Variants in CPED1 observed in about 807,000 individuals in gnomAD.
CPED1 encodes the protein cadherin like and PC-esterase domain containing 1, also known as cadherin-like and PC-esterase domain-containing protein 1.
Under a neutral mutation model 128.2 loss-of-function variants are expected in CPED1, and 114 were observed. That is an observed-to-expected ratio of 0.89 (90% confidence interval 0.76 to 1.04). The LOEUF (loss-of-function observed/expected upper bound fraction) is 1.04. Among genes scored for constraint, CPED1 ranks in the 50% least tolerant of loss-of-function variants. The probability of loss-of-function intolerance (pLI) is 0.00; values close to 1 mark genes in which losing one functional copy is unlikely to be tolerated. For synonymous variants in CPED1, 462 were observed against 426.7 expected (o/e 1.08, Z -1.02); for missense variants, 1,211 against 1,207.1 (o/e 1.00, Z -0.05).
At chr7:121,021,080 A>G (rs1792426684) in intron 3 of CPED1, among the ~76,000 whole-genome samples, 1 of 151,942 alleles carries the variant, frequency 6.6e-6, no homozygotes, top group Admixed American at 6.6e-5. Flanking sequence ...TATTGAAATT[A>G]AACTTGATAC....
At chr7:121,282,751 A>G (rs189948575) in intron 22 of CPED1, among the ~76,000 whole-genome samples, 2 of 152,332 alleles carry the variant, frequency 1.3e-5, no homozygotes. Flanking sequence ...TAACATGGAA[A>G]CAACATGGTG....
intron 3 of CPED1, among the ~76,000 whole-genome samples, chr7:121,034,247 C>CTTTTTTTT (rs3067998): frequency 4.4e-5 from 5 of 113,984 alleles, no homozygotes; most frequent in Admixed American, 1.1e-4. Context: ...GTTTTTTTTT[C>CTTTTTTTT]TTTTTTTTTT....
At chr7:121,202,092 A>G (rs1002924620) in intron 16 of CPED1, among the ~76,000 whole-genome samples, 2 of 152,086 alleles carry the variant, frequency 1.3e-5, no homozygotes, top group East Asian at 1.9e-4. Context: ...AGAAAAGGCA[A>G]TTTTCTTAAT....
At chr7:121,032,806 A>G (rs1459679011) in intron 3 of CPED1, among the ~76,000 whole-genome samples, 1 of 152,188 alleles carries the variant, frequency 6.6e-6, no homozygotes, top group Non-Finnish European at 1.5e-5. Context: ...ATTGGCCTAA[A>G]TATTCTTCAT....
At chr7:121,235,728 A>G (rs1047979159) in intron 16 of CPED1, among the ~76,000 whole-genome samples, 4 of 152,148 alleles carry the variant, frequency 2.6e-5, no homozygotes, top group Admixed American at 1.3e-4. Flanking sequence ...AGTAGAAAAG[A>G]CCCAGACAAA....
At chr7:121,171,396 A>G (rs951622522) in intron 16 of CPED1, among the ~76,000 whole-genome samples, 5 of 152,222 alleles carry the variant, frequency 3.3e-5, no homozygotes, top group Non-Finnish European at 7.4e-5. Context: ...TTATTGTCCA[A>G]TTAGCTAGTA....
intron 18 of CPED1, among the ~76,000 whole-genome samples, chr7:121,248,831 A>G (rs1169961538): frequency 6.6e-6 from 1 of 152,202 alleles, no homozygotes; most frequent in Non-Finnish European, 1.5e-5. Flanking sequence ...TTTCTTAATC[A>G]GTATAAAATG....
At chr7:121,124,695 C>T (rs1048246251) in intron 8 of CPED1, among the ~76,000 whole-genome samples, 5 of 152,070 alleles carry the variant, frequency 3.3e-5, no homozygotes, top group African/African-American at 9.7e-5. Context: ...ATAGTGGTAA[C>T]AAGAAGTAAA....
At chr7:121,046,030 T>C (rs888270072) in intron 3 of CPED1, among the ~76,000 whole-genome samples, 3 of 152,030 alleles carry the variant, frequency 2.0e-5, no homozygotes, top group African/African-American at 7.2e-5. Flanking sequence ...GATCTATATC[T>C]ATATGTAGAT....
In CPED1 at chr7:121,125,892, G is replaced by A. The variant is rs779135080; in HGVS notation, c.1134G>A (p.Gln378=). Residue 378 remains glutamine (Q), a splice_region_variant and synonymous_variant, in exon 9 of 23, where the codon CAG becomes CAA. Transcript: ENST00000310396. ...GTTTCATGTACCCTGTAGTGCTCCA[G>A]GTCAGTATGCCAAAGGCCTCATGTG... ...YGSFMYPVVL[Q]VHEHLNFQDY... The A allele has an allele frequency of 6.2e-7, 1 of 1,605,928 alleles. No homozygotes were observed. The highest frequency in any genetic ancestry group is 1.1e-5 in the South Asian group (1 of 90,880).
chr7:121,105,140 G>C (rs1794943131), intron 7 of CPED1, among the ~76,000 whole-genome samples: 2 of 152,072 alleles, frequency 1.3e-5, no homozygotes, highest in Non-Finnish European at 2.9e-5. Flanking sequence ...TGCACAGAGG[G>C]CAGAGGAGAA....
At chr7:121,203,877 G>A (rs1438867615) in intron 16 of CPED1, among the ~76,000 whole-genome samples, 3 of 152,086 alleles carry the variant, frequency 2.0e-5, no homozygotes, top group African/African-American at 7.2e-5. Flanking sequence ...CTTGTCAGTT[G>A]CGTGTCACAT....
chr7:121,267,285 G>A lies in CPED1; in HGVS notation c.2704G>A (p.Val902Ile). The A allele has an allele frequency of 3.2e-6, 5 of 1,586,796 alleles. No homozygotes were observed. The highest frequency in any genetic ancestry group is 4.3e-6 in the Non-Finnish European group (5 of 1,161,024). ...TGGATTTCATCTGCCAGTGGATGGAGTACATTTCTTAACACAGGTAAGCAC... is the reference window on the plus strand; with the variant it reads ...TGGATTTCATCTGCCAGTGGATGGAATACATTTCTTAACACAGGTAAGCAC... ...GIGFHLPVDG[V>I]HFLTQSEVQN... The change falls in exon 21 of 23, where the codon GTA becomes ATA. Residue 902 changes from valine (V) to isoleucine (I), a missense_variant. Val to Ile is a conservative substitution (Grantham distance 29, BLOSUM62 3). Transcript: ENST00000310396.
At chr7:121,199,335 T>C (rs1345131663) in intron 16 of CPED1, among the ~76,000 whole-genome samples, 1 of 151,930 alleles carries the variant, frequency 6.6e-6, no homozygotes, top group African/African-American at 2.4e-5. Flanking sequence ...TAGTCAACAG[T>C]GTTGAAAATA....
chr7:121,234,355 G>T (rs1452993031), intron 16 of CPED1, among the ~76,000 whole-genome samples: 1 of 151,854 alleles, frequency 6.6e-6, no homozygotes, highest in Non-Finnish European at 1.5e-5. Context: ...ATTTGCATGG[G>T]TATATATATG....
At chr7:121,188,848 T>A (rs1229203055) in intron 16 of CPED1, among the ~76,000 whole-genome samples, 1 of 152,116 alleles carries the variant, frequency 6.6e-6, no homozygotes, top group Admixed American at 6.6e-5. Context: ...ATTATGTCAT[T>A]GGCAAGAAGG....
chr7:121,099,463 G>T (rs1738666708), intron 6 of CPED1, among the ~76,000 whole-genome samples: 1 of 152,068 alleles, frequency 6.6e-6, no homozygotes, highest in African/African-American at 2.4e-5. Flanking sequence ...CGCCTCCCAG[G>T]TTCAAGTGAT....
intron 13 of CPED1, among the ~76,000 whole-genome samples, chr7:121,135,547 C>T (rs1268544663): frequency 6.6e-6 from 1 of 152,064 alleles, no homozygotes. Context: ...GAGAAACTGC[C>T]TTTCTTTTGC....
At chr7:121,153,853 CACAA>C (rs1323745943) in intron 16 of CPED1, among the ~76,000 whole-genome samples, 1 of 152,084 alleles carries the variant, frequency 6.6e-6, no homozygotes, top group Non-Finnish European at 1.5e-5. Context: ...TGAAAAAACT[CACAA>C]ACCATCTGGC....
Sources: allele counts gnomAD v4.1 joint callset (sites outside exome capture counted in the v4.1 genomes callset), GRCh38; gene constraint gnomAD v4.1.1; transcripts MANE v1.5; gene names NCBI Gene and HGNC (gene_info 2026-07-23, HGNC 2026-07-21).